The following TECRL variants were observed in gnomAD, a reference collection of about 807,000 sequenced individuals.
TECRL encodes the protein trans-2,3-enoyl-CoA reductase-like.
TECRL carries 63 observed loss-of-function variants against 52.8 expected under a neutral mutation model. The ratio of observed to expected loss-of-function variants is 1.19; its 90% CI spans 0.97 to 1.47. TECRL has a LOEUF of 1.47. Ranked by LOEUF, TECRL falls within the 40% of genes most tolerant of loss-of-function variation. TECRL has a pLI of 0.00. For synonymous variants in TECRL, 164 were observed against 141.9 expected, an observed-to-expected ratio of 1.16 and a Z score of -1.10; for missense variants, 482 against 429.6, an observed-to-expected ratio of 1.12 and a Z score of -1.08.
intron 8 of TECRL, among the ~76,000 whole-genome samples, chr4:64,295,927 A>G (rs1488215582): frequency 6.6e-6 from 1 of 151,984 alleles, no homozygotes; most frequent in Non-Finnish European, 1.5e-5. Context: ...AAATTTAAGT[A>G]TAAAAATTGA....
intron 9 of TECRL, among the ~76,000 whole-genome samples, chr4:64,289,465 ATTG>A (rs1350277397): frequency 1.3e-5 from 2 of 152,026 alleles, no homozygotes; most frequent in African/African-American, 4.8e-5. Flanking sequence ...TTTAAGTGAT[ATTG>A]TTGTTTAGTG....
intron 9 of TECRL, among the ~76,000 whole-genome samples, chr4:64,285,778 G>A (rs1577799622): frequency 1.3e-5 from 2 of 152,174 alleles, no homozygotes; most frequent in Non-Finnish European, 2.9e-5. Flanking sequence ...TTGTCATCTT[G>A]GAAGACATTG....
chr4:64,375,229 A>T lies in TECRL; in HGVS notation c.235-6T>A. On this transcript the variant is annotated splice_region_variant and splice_polypyrimidine_tract_variant and intron_variant, in intron 1 of 11. Transcript: ENST00000381210. ...ATAGTAGATGATTGTGTCACCTGAA[A>T]AGGAAAAGAAAATAGAGTTATTTTT... The T allele has an allele frequency of 7.3e-7, 1 of 1,371,822 alleles. No homozygotes were observed. Among genetic ancestry groups the T allele is most frequent in the Non-Finnish European group, 9.6e-7 (1 of 1,039,696 alleles). 85.0% of individuals were successfully genotyped at this position (1,371,822 alleles called of 1,614,324 possible). A position where few individuals can be genotyped will look rare whatever the true frequency, so the allele number is the denominator to read the frequency against.
chr4:64,283,451 G>T (rs1398257121), intron 9 of TECRL, among the ~76,000 whole-genome samples: 1 of 152,052 alleles, frequency 6.6e-6, no homozygotes, highest in Non-Finnish European at 1.5e-5. Context: ...GACAGCTAAT[G>T]GTACAGGGTA....
At chr4:64,384,309 T>A (rs1723022886) in intron 1 of TECRL, among the ~76,000 whole-genome samples, 1 of 152,078 alleles carries the variant, frequency 6.6e-6, no homozygotes, top group Admixed American at 6.6e-5. Context: ...GTCCTGTCTG[T>A]GGGCCAACCC....
At chr4:64,341,095 C>A (rs1577901771) in intron 2 of TECRL, among the ~76,000 whole-genome samples, 1 of 152,112 alleles carries the variant, frequency 6.6e-6, no homozygotes. Context: ...ACTCTAGGGT[C>A]TCCTCTCTGC....
At chr4:64,301,551 G>A (rs997366089) in intron 7 of TECRL, among the ~76,000 whole-genome samples, 1 of 151,136 alleles carries the variant, frequency 6.6e-6, no homozygotes, top group Non-Finnish European at 1.5e-5. Context: ...GTCTGACCCA[G>A]AAAAGTACTA....
chr4:64,374,031 T>TATATGTATATAGTAGATAC (rs1243704537), intron 2 of TECRL, among the ~76,000 whole-genome samples: 5 of 108,044 alleles, frequency 4.6e-5, no homozygotes, highest in African/African-American at 1.7e-4. Context: ...GATACATATA[T>TATATGTATATAGTAGATAC]ATATATGTAT....
chr4:64,299,289 C>T (rs1220188040), intron 8 of TECRL: 2 of 150,932 alleles, frequency 1.3e-5, no homozygotes, highest in African/African-American at 4.8e-5. Flanking sequence ...TGAACACAAA[C>T]TTTGCAAGAA....
At chr4:64,285,536 T>C (rs1010802793) in intron 9 of TECRL, among the ~76,000 whole-genome samples, 4 of 152,018 alleles carry the variant, frequency 2.6e-5, no homozygotes, top group African/African-American at 4.8e-5. Flanking sequence ...CTCCAATTAA[T>C]ATGTTAGTGA....
chr4:64,342,908 A>G (rs1310949652), intron 2 of TECRL, among the ~76,000 whole-genome samples: 1 of 152,164 alleles, frequency 6.6e-6, no homozygotes, highest in Non-Finnish European at 1.5e-5. Context: ...TGAAAAAATA[A>G]CACTATGAAA....
At chr4:64,359,136 T>C (rs1229779202) in intron 2 of TECRL, among the ~76,000 whole-genome samples, 1 of 151,966 alleles carries the variant, frequency 6.6e-6, no homozygotes, top group Non-Finnish European at 1.5e-5. Context: ...ATATTACTCC[T>C]CATACACTAA....
chr4:64,370,609 T>A (rs1412051435), intron 2 of TECRL, among the ~76,000 whole-genome samples: 2 of 151,886 alleles, frequency 1.3e-5, no homozygotes, highest in Non-Finnish European at 1.5e-5. Context: ...AAAATTCCAG[T>A]AATATCATCC....
At chr4:64,302,226 T>A (rs1347153635) in intron 7 of TECRL, among the ~76,000 whole-genome samples, 1 of 151,476 alleles carries the variant, frequency 6.6e-6, no homozygotes, top group Non-Finnish European at 1.5e-5. Flanking sequence ...TACAACATGC[T>A]GTTTTTCAAT....
rs73228575 is a variant in TECRL, at chr4:64,315,376, T to G, written c.436-613A>C. On this transcript the variant is annotated intron_variant, in intron 4 of 11. Coordinates refer to ENST00000381210, the MANE Select transcript of TECRL (RefSeq NM_001010874.5). ...GAACTATAGAGAGACACTAACAATA[T>G]TTGGAAAGGTAATTGAAAAAAGACG... 4.6e-5 allele frequency among the ~76,000 whole-genome samples: 7 copies of G among 152,172 alleles called. No homozygotes were observed. The East Asian group carries it at 1.4e-3, about 29-fold the overall frequency.
chr4:64,276,910 A>C, downstream of TECRL: 1 of 599,788 alleles, frequency 1.7e-6, no homozygotes, highest in Non-Finnish European at 2.8e-6. Flanking sequence ...AACTCCTAAA[A>C]CCTGTAAATG....
At chr4:64,295,290 T>A (rs11945129) in intron 8 of TECRL, among the ~76,000 whole-genome samples, 15 of 151,230 alleles carry the variant, frequency 9.9e-5, no homozygotes, top group East Asian at 7.8e-4. Context: ...ATGTGAAATA[T>A]GTATTAATAT....
At chr4:64,276,875 A>C, downstream of TECRL, 1 of 423,204 alleles carries the variant, frequency 2.4e-6, no homozygotes. Context: ...ATACATATGC[A>C]TATGTGTACA....
chr4:64,338,336 A>G (rs1231101688), intron 2 of TECRL, among the ~76,000 whole-genome samples: 4 of 152,240 alleles, frequency 2.6e-5, no homozygotes, highest in Non-Finnish European at 4.4e-5. Flanking sequence ...TACCTAGAAG[A>G]AAACCTAGGC....
Sources: allele counts gnomAD v4.1 joint callset (sites outside exome capture counted in the v4.1 genomes callset), GRCh38; gene constraint gnomAD v4.1.1; transcripts MANE v1.5; gene names NCBI Gene and HGNC (gene_info 2026-07-23, HGNC 2026-07-21).